Variants in LIMS1 observed in about 807,000 individuals in gnomAD.
LIMS1 encodes the protein LIM zinc finger domain containing 1.
Under a neutral mutation model 44.1 loss-of-function variants are expected in LIMS1, and 18 were observed. That is an observed-to-expected ratio of 0.41 (90% CI 0.28 to 0.61). The LOEUF (loss-of-function observed/expected upper bound fraction) is 0.61, where lower values mean the gene tolerates loss of function less well. Ranked by LOEUF, LIMS1 falls within the 20% of genes least tolerant of loss-of-function variation. The pLI, the probability that LIMS1 is intolerant of heterozygous loss-of-function variation, is 0.32. For synonymous variants in LIMS1, 93 were observed against 149.1 expected, an observed-to-expected ratio of 0.62 and a Z score of 2.74; for missense variants, 201 against 422.0, an observed-to-expected ratio of 0.48 and a Z score of 4.59.
chr2:108,546,031 T>C (rs10460484), intron 1 of LIMS1, among the ~76,000 whole-genome samples: 57,691 of 152,126 alleles, frequency 0.38, 12,617 homozygotes, highest in East Asian at 0.89. Context: ...ATCACTCTTA[T>C]GTTGTTAGCA....
chr2:108,649,137 G>GA (rs1265554304), intron 1 of LIMS1, among the ~76,000 whole-genome samples: 2 of 151,938 alleles, frequency 1.3e-5, no homozygotes, highest in Non-Finnish European at 2.9e-5. Flanking sequence ...AAATTTACAA[G>GA]AAAAAAACCC....
chr2:108,632,272 A>C (rs958336537), intron 1 of LIMS1, among the ~76,000 whole-genome samples: 5 of 152,166 alleles, frequency 3.3e-5, no homozygotes, highest in African/African-American at 1.2e-4. Context: ...TGCCCAGCTG[A>C]TACTTTCCCT....
At chr2:108,648,513 CA>C (rs1251051809) in intron 1 of LIMS1, among the ~76,000 whole-genome samples, 4 of 152,150 alleles carry the variant, frequency 2.6e-5, no homozygotes, top group African/African-American at 9.7e-5. Flanking sequence ...CATTCCTAAC[CA>C]AAAAGAACAA....
intron 1 of LIMS1, among the ~76,000 whole-genome samples, chr2:108,643,804 G>A (rs577742945): frequency 3.9e-5 from 6 of 152,196 alleles, no homozygotes; most frequent in South Asian, 2.1e-4. Flanking sequence ...GACTGAGCTC[G>A]ACCTGGGATG....
chr2:108,681,553 G>T (rs928232327), intron 9 of LIMS1: 1 of 961,066 alleles, frequency 1.0e-6, no homozygotes, highest in Non-Finnish European at 1.2e-6. Context: ...TCCTTGCCAC[G>T]ATCATTTAAT....
chr2:108,551,343 AAT>A lies in LIMS1; in HGVS notation c.32+16755_32+16756del, dbSNP rs1684684079. Among the ~76,000 whole-genome samples, 3 of 147,090 alleles carry A rather than the reference AAT, an allele frequency of 2.0e-5. No homozygotes were observed. In the South Asian group the frequency reaches 6.3e-4, roughly 31 times the overall value. Reference sequence around the variant, plus strand: ...TATAATAGATTTTATTTATAATATAAATATATAATGTATTATGTATTATATAT... The same window carrying A: ...TATAATAGATTTTATTTATAATATAAATATAATGTATTATGTATTATATAT... On this transcript the variant is annotated intron_variant, in intron 1 of 9. Transcript: ENST00000544547.
At chr2:108,663,036 G>T (rs969012836) in intron 2 of LIMS1, among the ~76,000 whole-genome samples, 16 of 152,200 alleles carry the variant, frequency 1.1e-4, no homozygotes, top group African/African-American at 3.6e-4. Context: ...TGAGATCCTT[G>T]TTTCCTAACC....
chr2:108,665,242 C>A (rs1691669364), intron 2 of LIMS1, among the ~76,000 whole-genome samples: 1 of 152,186 alleles, frequency 6.6e-6, no homozygotes, highest in South Asian at 2.1e-4. Context: ...AATGTCATAG[C>A]CTACAACACA....
intron 1 of LIMS1, among the ~76,000 whole-genome samples, chr2:108,613,268 T>C (rs1037270247): frequency 3.3e-5 from 5 of 152,236 alleles, no homozygotes; most frequent in African/African-American, 4.8e-5. Flanking sequence ...CCTAGCTTTT[T>C]TCTTTTGTAA....
chr2:108,609,014 T>A (rs1687435071), intron 1 of LIMS1, among the ~76,000 whole-genome samples: 2 of 152,252 alleles, frequency 1.3e-5, no homozygotes, highest in East Asian at 1.9e-4. Flanking sequence ...CTGAAAGAAG[T>A]AGGGACAATA....
rs370813945 is a variant in LIMS1 at position 108,678,986 on chromosome 2, C to G, written c.823+959C>G. ...ACATCATTTATAACTTCACAGGATACTTAAGGATGGGGGAAGATTAAAGTC... is the reference window on the plus strand; with the variant it reads ...ACATCATTTATAACTTCACAGGATAGTTAAGGATGGGGGAAGATTAAAGTC... On this transcript the variant is annotated intron_variant, in intron 8 of 9. Transcript: ENST00000544547. 9.2e-5 allele frequency among the ~76,000 whole-genome samples: 14 copies of G among 152,192 alleles called. No homozygotes were observed. In the East Asian group the frequency reaches 2.1e-3, roughly 23 times the overall value.
At chr2:108,604,152 G>A (rs1687151304) in intron 1 of LIMS1, among the ~76,000 whole-genome samples, 1 of 151,756 alleles carries the variant, frequency 6.6e-6, no homozygotes, top group East Asian at 1.9e-4. Flanking sequence ...AATTCCTCTT[G>A]TTATTTATTT....
intron 1 of LIMS1, among the ~76,000 whole-genome samples, chr2:108,650,849 C>A (rs1310496473): frequency 7.5e-6 from 1 of 134,084 alleles, no homozygotes; most frequent in Non-Finnish European, 1.6e-5. Context: ...GAGGCTATGA[C>A]TTTTATTTAT....
At chr2:108,662,096 G>C in intron 2 of LIMS1, 3 of 1,553,252 alleles carry the variant, frequency 1.9e-6, no homozygotes, top group Non-Finnish European at 2.6e-6. Context: ...CAATAGAGAA[G>C]AACTCAGAGA....
chr2:108,583,301 C>G (rs1439568601), intron 1 of LIMS1, among the ~76,000 whole-genome samples: 1 of 151,578 alleles, frequency 6.6e-6, no homozygotes, highest in Admixed American at 6.6e-5. Flanking sequence ...CCTAGGCCTC[C>G]CAAAGTGCTG....
rs1250279921 is a variant in LIMS1 at position 108,681,134 on chromosome 2, T to A, written c.899+364T>A. 3.1e-6 allele frequency: 4 copies of A among 1,284,742 alleles called. No homozygotes were observed. In the African/African-American group the frequency reaches 6.2e-5, roughly 20 times the overall value. 79.6% of individuals were successfully genotyped at this position (1,284,742 alleles called of 1,614,324 possible). A position where few individuals can be genotyped will look rare whatever the true frequency, so the allele number is the denominator to read the frequency against. On this transcript the variant is annotated intron_variant, in intron 9 of 9. Transcript: ENST00000544547. ...GTTTGTAAACTTTTCTATCCCTGTG[T>A]CATCATTTTCACTGCTTTCTCCTTT...
chr2:108,539,605 G>A (rs576121276), intron 1 of LIMS1, among the ~76,000 whole-genome samples: 7 of 152,302 alleles, frequency 4.6e-5, no homozygotes, highest in South Asian at 2.1e-4. Flanking sequence ...AAAGGATACC[G>A]ATGAAATTTT....
At chr2:108,668,767 T>A (rs1691960563) in intron 2 of LIMS1, among the ~76,000 whole-genome samples, 1 of 152,208 alleles carries the variant, frequency 6.6e-6, no homozygotes, top group African/African-American at 2.4e-5. Flanking sequence ...TTCCATTAAT[T>A]ACTGCTAAAA....
In LIMS1 at chr2:108,656,311, A is replaced by G. The variant is rs1485027412; in HGVS notation, c.33-3294A>G. Reference sequence around the variant, plus strand: ...GACTTTTACATATAAATATCTATCTATCTATCTATAGATAGATAGATAGAT... The same window carrying G: ...GACTTTTACATATAAATATCTATCTGTCTATCTATAGATAGATAGATAGAT... On this transcript the variant is annotated intron_variant, in intron 1 of 9. Coordinates refer to ENST00000544547, the Ensembl canonical transcript of LIMS1. Among the ~76,000 whole-genome samples the G allele has an allele frequency of 1.1e-4, 8 of 72,116 alleles. 1 individual carries two copies. The highest frequency in any genetic ancestry group is 9.5e-4 in the East Asian group (1 of 1,052). 47.3% of individuals were successfully genotyped at this position (72,116 alleles called of 152,430 possible).
Sources: allele counts gnomAD v4.1 joint callset (sites outside exome capture counted in the v4.1 genomes callset), GRCh38; gene constraint gnomAD v4.1.1; transcripts MANE v1.5; gene names NCBI Gene and HGNC (gene_info 2026-07-23, HGNC 2026-07-21).